DNMT3L: variants seen among roughly 807,000 people sequenced by gnomAD.
DNMT3L encodes DNA (cytosine-5)-methyltransferase 3-like.
DNMT3L carries 33 observed loss-of-function variants against 36.2 expected under a neutral mutation model. The ratio of observed to expected loss-of-function variants is 0.91; its 90% CI spans 0.69 to 1.22. DNMT3L has a LOEUF of 1.22. Ranked by LOEUF, DNMT3L falls within the 50% of genes most tolerant of loss-of-function variation. The pLI is 0.00. For synonymous variants in DNMT3L, 117 were observed against 121.7 expected (o/e 0.96, Z 0.26); for missense variants, 310 against 303.1 (o/e 1.02, Z -0.17).
At position 44,258,823 on chromosome 21, in the gene DNMT3L, G is replaced by A; in HGVS notation, c.345-129C>T. Reference sequence around the variant, plus strand: ...GCTGGAGCTCCCTTTGGGAAGACCAGGTGGTGGACTGGGAAGAGGGAGACG... The same window carrying A: ...GCTGGAGCTCCCTTTGGGAAGACCAAGTGGTGGACTGGGAAGAGGGAGACG... On this transcript the variant is annotated intron_variant, in intron 5 of 11. Transcript: ENST00000628202. This position sits in a 1 kb window ranked among gnomAD's most constrained non-coding sequence, Gnocchi z 6.2. 7.7e-7 allele frequency: 1 copy of A among 1,297,694 alleles called. No individual in the cohort carries two copies. The highest frequency in any genetic ancestry group is 1.0e-6 in the Non-Finnish European group (1 of 963,918). 80.4% of individuals were successfully genotyped at this position (1,297,694 alleles called of 1,614,324 possible).
Position 44,254,683 on chromosome 21 carries a change from CA to C in DNMT3L, c.626del (p.Leu209TrpfsTer10), listed in dbSNP as rs1249070495. 1 of 1,613,970 alleles carries C rather than the reference CA, an allele frequency of 6.2e-7. No homozygotes were observed. Among genetic ancestry groups the C allele is most frequent in the Non-Finnish European group, 8.5e-7 (1 of 1,179,978 alleles). On this transcript the variant is annotated frameshift_variant, in exon 8 of 12. Coordinates refer to ENST00000628202, the MANE Select transcript of DNMT3L (RefSeq NM_175867.3). LOFTEE classifies it high-confidence loss of function. Reference sequence around the variant, plus strand: ...GTTGTCCCGGGTCAGAACCACTTTCCAAAAAGCCCAAACTCGTCAGCTCTGG... The same window carrying C: ...GTTGTCCCGGGTCAGAACCACTTTCCAAAAGCCCAAACTCGTCAGCTCTGG... ...IKKELTSLGF[L>X]ESGSDPGQLK... is the part of the protein sequence containing the mutation.
chr21:44,254,541 A>T (rs1010952852), intron 8 of DNMT3L, 76 bp downstream of exon 8: 43 of 1,538,232 alleles, frequency 2.8e-5, no homozygotes, highest in African/African-American at 5.5e-5. Context: ...TGCCCGCCTC[A>T]TCCTTGGCAT....
rs1344366479 is a variant in DNMT3L, at chr21:44,254,663, C to A, written c.647G>T (p.Gly216Val). The change falls in exon 8 of 12, where the codon GGA becomes GTA. Residue 216 changes from glycine to valine, a missense_variant. Physicochemically the swap from Gly to Val is moderately radical, Grantham distance 109. Coordinates refer to ENST00000628202, the MANE Select transcript of DNMT3L (RefSeq NM_175867.3). ...LGFLESGSDPGQLKHVVDVTD... is the reference protein window; with the variant it reads ...LGFLESGSDPVQLKHVVDVTD... Reference sequence around the variant, plus strand: ...GACATCAACCACATGCTTCAGTTGTCCCGGGTCAGAACCACTTTCCAAAAA... The same window carrying A: ...GACATCAACCACATGCTTCAGTTGTACCGGGTCAGAACCACTTTCCAAAAA... 6.2e-7 allele frequency: 1 copy of A among 1,614,042 alleles called. No homozygotes were observed. Among genetic ancestry groups the A allele is most frequent in the Admixed American group, 1.7e-5 (1 of 60,028 alleles).
rs1435783184 is a variant in DNMT3L at position 44,258,383 on chromosome 21, G to A, written c.516+140C>T. 1 of 1,241,126 alleles carries A rather than the reference G, an allele frequency of 8.1e-7. No individual in the cohort carries two copies. Among genetic ancestry groups the A allele is most frequent in the Non-Finnish European group, 1.1e-6 (1 of 923,520 alleles). The allele number at this position is 1,241,126 out of a possible 1,614,324, so 76.9% of individuals were successfully genotyped here. A position where few individuals can be genotyped will look rare whatever the true frequency, so the allele number is the denominator to read the frequency against. On this transcript the variant is annotated intron_variant, in intron 6 of 11. Transcript: ENST00000628202. The surrounding 1 kb of genome is among the most constrained non-coding windows in gnomAD (Gnocchi z 6.2). ...TCGAGTGGAAGCCACTATCGGAGAG[G>A]AACCCAGGAAAGAGTGTTTGCTCCC...
intron 5 of DNMT3L, among the ~76,000 whole-genome samples, chr21:44,259,218 T>C (rs893763606): frequency 1.3e-5 from 2 of 152,008 alleles, no homozygotes; most frequent in African/African-American, 4.8e-5. Context: ...GATGTGGCAA[T>C]ATCAACACCG....
At chr21:44,254,579 T>TCCCAC in intron 8 of DNMT3L, 38 bp downstream of exon 8, 1 of 1,606,684 alleles carries the variant, frequency 6.2e-7, no homozygotes, top group Non-Finnish European at 8.5e-7. Context: ...GCACCCCCGC[T>TCCCAC]CCCACTACAG....
At chr21:44,257,076 G>A (rs1204115209) in intron 6 of DNMT3L, among the ~76,000 whole-genome samples, 2 of 152,180 alleles carry the variant, frequency 1.3e-5, no homozygotes, top group Non-Finnish European at 1.5e-5. Context: ...TGGCTGGCCT[G>A]CAAATTAAAA....
Position 44,261,222 on chromosome 21 carries a change from G to A in DNMT3L, c.38C>T (p.Pro13Leu). The change falls in exon 2 of 12, where the codon CCC becomes CTC. Residue 13 changes from proline (P) to leucine (L), a missense_variant. Coordinates refer to ENST00000628202, the MANE Select transcript of DNMT3L (RefSeq NM_175867.3). ...TCCCACCAAAATCACGTCCATGCTG[G>A]GCTCGGCCTCTGGGTCCAGGGCTGG... Reference protein sequence around the residue: ...AIPALDPEAEPSMDVILVGSS... With the variant: ...AIPALDPEAELSMDVILVGSS... The A allele has an allele frequency of 6.2e-7, 1 of 1,612,630 alleles. No individual in the cohort carries two copies. Among genetic ancestry groups the A allele is most frequent in the Non-Finnish European group, 8.5e-7 (1 of 1,179,882 alleles).
rs945242397 is a variant in DNMT3L, at chr21:44,256,253, G to A, written c.517-99C>T. ...TTCTTCCCTGGATGAACACTCACTCGAGACTCACCGGAGACACACATAAGA... is the reference window on the plus strand; with the variant it reads ...TTCTTCCCTGGATGAACACTCACTCAAGACTCACCGGAGACACACATAAGA... On this transcript the variant is annotated intron_variant, in intron 6 of 11. Transcript: ENST00000628202. The A allele has an allele frequency of 1.4e-5, 17 of 1,220,454 alleles. No homozygotes were observed. In the East Asian group the frequency reaches 2.2e-4, roughly 16 times the overall value. 75.6% of individuals were successfully genotyped at this position (1,220,454 alleles called of 1,614,324 possible).
intron 6 of DNMT3L, 112 bp from the exon 7 acceptor site, chr21:44,256,266 GAC>G (rs1358377469): frequency 1.8e-6 from 2 of 1,118,476 alleles, no homozygotes; most frequent in Admixed American, 3.9e-5. Flanking sequence ...ACTCACCGGA[GAC>G]ACACATAAGA....
chr21:44,261,373 T>C, intron 1 of DNMT3L, 107 bp from the exon 2 acceptor site: 3 of 1,077,030 alleles, frequency 2.8e-6, no homozygotes, highest in Non-Finnish European at 1.4e-6. Flanking sequence ...CCTTGACTAG[T>C]TCAGGCCACC....
At chr21:44,257,494 A>T (rs973346505) in intron 6 of DNMT3L, among the ~76,000 whole-genome samples, 2 of 151,822 alleles carry the variant, frequency 1.3e-5, no homozygotes, top group African/African-American at 4.8e-5. Context: ...ATCCCGGCTA[A>T]AACTGTGAAA....
At chr21:44,257,464 G>A (rs2040269040) in intron 6 of DNMT3L, among the ~76,000 whole-genome samples, 1 of 151,904 alleles carries the variant, frequency 6.6e-6, no homozygotes, top group Non-Finnish European at 1.5e-5. Context: ...GGCGGATCAC[G>A]AGGTCAGGAG....
chr21:44,261,387 AC>A (rs1016503296), intron 1 of DNMT3L, 121 bp from the exon 2 acceptor site: 20 of 873,006 alleles, frequency 2.3e-5, no homozygotes, highest in Non-Finnish European at 3.3e-5. Flanking sequence ...GGCCACCTGA[AC>A]CCCCGCGGTG....
intron 7 of DNMT3L, among the ~76,000 whole-genome samples, chr21:44,255,694 T>C (rs956911050): frequency 4.6e-5 from 7 of 152,164 alleles, no homozygotes; most frequent in Non-Finnish European, 8.8e-5. Context: ...CAGCAAGACC[T>C]TGGACAGGCT....
chr21:44,260,604 C>T (rs561504816), intron 3 of DNMT3L, among the ~76,000 whole-genome samples, 191 bp downstream of exon 3: 23 of 152,234 alleles, frequency 1.5e-4, no homozygotes, highest in Non-Finnish European at 2.8e-4. Context: ...AGGTGCATGC[C>T]ACCATGCCTG....
At chr21:44,260,758 T>C in intron 3 of DNMT3L, 37 bp downstream of exon 3, 1 of 1,612,904 alleles carries the variant, frequency 6.2e-7, no homozygotes, top group Non-Finnish European at 8.5e-7. Context: ...GTGCCCCGTC[T>C]CTTTTGTCTG....
In DNMT3L at chr21:44,256,172, A is replaced by G. The variant is rs373942735; in HGVS notation, c.517-18T>C. ...GGATTCTCCTATTTATTAAAAAACC[A>G]AAACAGGACATTGTGCCGGCTACTT... On this transcript the variant is annotated intron_variant, in intron 6 of 11. Coordinates refer to ENST00000628202, the MANE Select transcript of DNMT3L (RefSeq NM_175867.3). The G allele has an allele frequency of 1.1e-4, 172 of 1,613,180 alleles. No homozygotes were observed. In the African/African-American group the frequency reaches 1.8e-3, roughly 17 times the overall value.
Position 44,260,830 on chromosome 21 carries a change from G to A in DNMT3L, c.116C>T (p.Ala39Val). 1.2e-6 allele frequency: 2 copies of A among 1,613,150 alleles called. No homozygotes were observed. Among genetic ancestry groups the A allele is most frequent in the Non-Finnish European group, 1.7e-6 (2 of 1,179,888 alleles). ...VSPGTGRDLI[A>V]YEVKANQRNI... ...TCGCTGGTTAGCCTTGACTTCATAT[G>A]CAATAAGATCTGGAAAGGAAGATAA... Residue 39 changes from alanine to valine, a missense_variant, in exon 3 of 12, where the codon GCA (alanine) becomes GTA (valine). By Grantham distance (64) the Ala-to-Val change is moderately conservative (BLOSUM62 0). Coordinates refer to ENST00000628202, the MANE Select transcript of DNMT3L (RefSeq NM_175867.3).
Sources: allele counts gnomAD v4.1 joint callset (sites outside exome capture counted in the v4.1 genomes callset), GRCh38; gene constraint gnomAD v4.1.1; non-coding constraint Gnocchi (gnomAD v3.1); transcripts MANE v1.5; gene names NCBI Gene and HGNC (gene_info 2026-07-23, HGNC 2026-07-21).